MSRB3: variants seen among roughly 807,000 people sequenced by gnomAD.
MSRB3 encodes the protein methionine-R-sulfoxide reductase B3.
A neutral mutation model predicts 21.0 loss-of-function variants in MSRB3; 13 were observed. The observed-to-expected ratio is 0.62, with a 90% CI of 0.40 to 0.98. The LOEUF (loss-of-function observed/expected upper bound fraction) is 0.98, where lower values mean the gene tolerates loss of function less well. Among genes scored for constraint, MSRB3 ranks in the 50% least tolerant of loss-of-function variants. MSRB3 has a pLI of 0.00. For missense variants in MSRB3, 199 were observed against 230.3 expected (o/e 0.86, Z 0.88); for synonymous variants, 87 against 88.6 (o/e 0.98, Z 0.10).
chr12:65,349,706 T>C (rs886208492), intron 4 of MSRB3, among the ~76,000 whole-genome samples: 2 of 150,056 alleles, frequency 1.3e-5, no homozygotes, highest in African/African-American at 2.5e-5. Context: ...ATAAATGTCT[T>C]CTTTTGAGAA....
chr12:65,398,487 C>T lies in MSRB3; in HGVS notation c.292+29461C>T, dbSNP rs547824903. Among the ~76,000 whole-genome samples, 33 of 152,066 alleles carry T rather than the reference C, an allele frequency of 2.2e-4. No individual in the cohort carries two copies. The South Asian group carries it at 6.9e-3, about 32-fold the overall frequency. On this transcript the variant is annotated intron_variant, in intron 5 of 6. Transcript: ENST00000308259. ...TTTTCTTGTAAATTTGTTTAAGCTC[C>T]TTGTGGATTCTGGATATTAGCCATT...
chr12:65,452,290 A>T (rs1000245647), intron 5 of MSRB3, among the ~76,000 whole-genome samples: 2 of 152,170 alleles, frequency 1.3e-5, no homozygotes, highest in African/African-American at 4.8e-5. Flanking sequence ...CTTTCTTTTC[A>T]TAGATAAATG....
intron 3 of MSRB3, among the ~76,000 whole-genome samples, 169 bp from the exon 4 acceptor site, chr12:65,328,357 A>G (rs1345730827): frequency 6.6e-6 from 1 of 152,060 alleles, no homozygotes; most frequent in Non-Finnish European, 1.5e-5. Flanking sequence ...ATTTTATTAT[A>G]TAGATTTGAA....
chr12:65,393,397 G>A (rs557673405), intron 5 of MSRB3, among the ~76,000 whole-genome samples: 1 of 152,128 alleles, frequency 6.6e-6, no homozygotes, highest in African/African-American at 2.4e-5. Flanking sequence ...ACTTTGGGAG[G>A]CCGAGGTGGG....
At position 65,287,426 on chromosome 12, in the gene MSRB3, T is replaced by C. The variant is rs910173508; in HGVS notation, c.-52+8561T>C. Among the ~76,000 whole-genome samples, 5 of 152,150 alleles carry C rather than the reference T, an allele frequency of 3.3e-5. No homozygotes were observed. In the South Asian group the frequency reaches 1.0e-3, roughly 32 times the overall value. ...TATAGGCATGAGCCTCCACGCCCAG[T>C]ACATTTCTTTTGTTTTTATTGTGTT... On this transcript the variant is annotated intron_variant, in intron 1 of 6. Transcript: ENST00000308259.
chr12:65,428,582 A>G (rs1441265762), intron 5 of MSRB3, among the ~76,000 whole-genome samples: 1 of 152,176 alleles, frequency 6.6e-6, no homozygotes, highest in Non-Finnish European at 1.5e-5. Flanking sequence ...TGAGTTTTTA[A>G]AATAAGTTTA....
intron 5 of MSRB3, among the ~76,000 whole-genome samples, chr12:65,451,228 T>G (rs959168589): frequency 1.8e-4 from 28 of 152,338 alleles, no homozygotes; most frequent in African/African-American, 6.3e-4. Context: ...AGAGACATTG[T>G]GAGTTTTGGG....
intron 4 of MSRB3, among the ~76,000 whole-genome samples, chr12:65,362,258 T>G (rs1877753016): frequency 6.6e-6 from 1 of 152,174 alleles, no homozygotes; most frequent in Non-Finnish European, 1.5e-5. Flanking sequence ...TGTGGTATTT[T>G]CAAAGGCAGG....
chr12:65,463,007 G>A (rs770831812), intron 6 of MSRB3, 148 bp from the exon 7 acceptor site: 57 of 947,786 alleles, frequency 6.0e-5, no homozygotes, highest in Non-Finnish European at 8.7e-5. Flanking sequence ...CCATCTTTGC[G>A]GCTATTGACA....
intron 4 of MSRB3, among the ~76,000 whole-genome samples, chr12:65,364,336 A>C (rs1877880939): frequency 6.6e-6 from 1 of 152,324 alleles, no homozygotes; most frequent in African/African-American, 2.4e-5. Context: ...ATTTTCTAAA[A>C]TTAAAAGGGG....
At chr12:65,449,757 G>A (rs1882777767) in intron 5 of MSRB3, among the ~76,000 whole-genome samples, 1 of 152,144 alleles carries the variant, frequency 6.6e-6, no homozygotes, top group Non-Finnish European at 1.5e-5. Flanking sequence ...TTTTAGGGTG[G>A]GGAAGGATTA....
chr12:65,280,600 T>C lies in MSRB3; in HGVS notation c.-52+1735T>C, dbSNP rs187171403. 1.2e-4 allele frequency among the ~76,000 whole-genome samples: 19 copies of C among 152,326 alleles called. No homozygotes were observed. The East Asian group carries it at 3.7e-3, about 29-fold the overall frequency. ...TTTAATTCCGGTCCCAGCTGATATA[T>C]CAGTCTAATTTCTGATGACTTTTAT... is the stretch of plus-strand genomic sequence containing the variant. On this transcript the variant is annotated intron_variant, in intron 1 of 6. Transcript: ENST00000308259.
In MSRB3 at chr12:65,363,712, G is replaced by A. The variant is rs140059524; in HGVS notation, c.264-5286G>A. On this transcript the variant is annotated intron_variant, in intron 4 of 6. Transcript: ENST00000308259. Reference sequence around the variant, plus strand: ...AAAAAATAACAGCTTGGGGCCGGGCGTGGTGGCTCACACCTGTAATCCTAG... The same window carrying A: ...AAAAAATAACAGCTTGGGGCCGGGCATGGTGGCTCACACCTGTAATCCTAG... Among the ~76,000 whole-genome samples the A allele has an allele frequency of 9.0e-3, 1,371 of 152,184 alleles. 21 individuals carry two copies. The highest frequency in any genetic ancestry group is 0.03 in the African/African-American group (1,247 of 41,528).
chr12:65,328,547 A>G lies in MSRB3; in HGVS notation c.207A>G (p.Thr69=). 2 of 1,612,130 alleles carry G rather than the reference A, an allele frequency of 1.2e-6. No homozygotes were observed. The highest frequency in any genetic ancestry group is 8.5e-7 in the Non-Finnish European group (1 of 1,178,444). The change falls in exon 4 of 7, where the codon ACA becomes ACG. Residue 69 remains threonine (T), a synonymous_variant. Coordinates refer to ENST00000308259, the MANE Select transcript of MSRB3 (RefSeq NM_001031679.3). ...TCAGTGCCTTTGAAGGAGAATACAC[A>G]CATCACAAAGATCCTGGAATATATA... ...GTESAFEGEY[T]HHKDPGIYKC...
chr12:65,375,008 C>T (rs1021775711), intron 5 of MSRB3, among the ~76,000 whole-genome samples: 2 of 115,872 alleles, frequency 1.7e-5, no homozygotes, highest in Admixed American at 1.0e-4. Flanking sequence ...CGCCACCACG[C>T]CTGGCTTTTT....
intron 4 of MSRB3, among the ~76,000 whole-genome samples, chr12:65,358,292 T>A (rs1189145282): frequency 1.3e-5 from 2 of 150,346 alleles, no homozygotes; most frequent in Non-Finnish European, 3.0e-5. Context: ...TAATTTTTTA[T>A]TTTTTTTTAT....
At chr12:65,396,696 A>AGAAAGAAAGAAAGAAAG (rs1555209314) in intron 5 of MSRB3, among the ~76,000 whole-genome samples, 2 of 23,508 alleles carry the variant, frequency 8.5e-5, no homozygotes, top group African/African-American at 2.4e-4. Context: ...CATCTCAAAA[A>AGAAAGAAAGAAAGAAAG]AAAAAAAAAA....
intron 5 of MSRB3, among the ~76,000 whole-genome samples, chr12:65,403,614 C>G (rs1880250940): frequency 6.6e-6 from 1 of 152,218 alleles, no homozygotes; most frequent in Middle Eastern, 3.4e-3. Context: ...GGGGACAGAA[C>G]AGTTCTGTCT....
chr12:65,299,797 G>A (rs1202660171), intron 1 of MSRB3, among the ~76,000 whole-genome samples: 5 of 152,054 alleles, frequency 3.3e-5, no homozygotes. Context: ...ACATTTTGTT[G>A]CTATATAGTT....
Sources: allele counts gnomAD v4.1 joint callset (sites outside exome capture counted in the v4.1 genomes callset), GRCh38; gene constraint gnomAD v4.1.1; transcripts MANE v1.5; gene names NCBI Gene and HGNC (gene_info 2026-07-23, HGNC 2026-07-21).